The following SLC4A4 variants were observed in gnomAD, a reference collection of about 807,000 sequenced individuals.
The protein encoded by SLC4A4 is solute carrier family 4 member 4.
SLC4A4 carries 27 observed loss-of-function variants against 111.5 expected under a neutral mutation model. The ratio of observed to expected loss-of-function variants is 0.24; its 90% CI spans 0.18 to 0.33. The LOEUF (loss-of-function observed/expected upper bound fraction) is 0.33. Among genes scored for constraint, SLC4A4 ranks in the 10% least tolerant of loss-of-function variants. The pLI, the probability that SLC4A4 is intolerant of heterozygous loss-of-function variation, is 1.00. For synonymous variants in SLC4A4, 443 were observed against 463.4 expected (o/e 0.96, Z 0.57); for missense variants, 909 against 1,315.5 (o/e 0.69, Z 4.78).
At chr4:71,286,379 C>T (rs938435238) in intron 3 of SLC4A4, among the ~76,000 whole-genome samples, 3 of 152,174 alleles carry the variant, frequency 2.0e-5, no homozygotes, top group African/African-American at 7.2e-5. Context: ...CTTAAAAGCA[C>T]TGGATGTAAA....
intron 2 of SLC4A4, among the ~76,000 whole-genome samples, chr4:71,101,660 C>A (rs1362715844): frequency 6.6e-6 from 1 of 152,166 alleles, no homozygotes; most frequent in Non-Finnish European, 1.5e-5. Flanking sequence ...AGCAGGGGCA[C>A]ACTGACATCT....
At chr4:71,431,809 G>T (rs1723667260) in intron 7 of SLC4A4, among the ~76,000 whole-genome samples, 1 of 152,078 alleles carries the variant, frequency 6.6e-6, no homozygotes, top group African/African-American at 2.4e-5. Flanking sequence ...TAATCTGCAT[G>T]TGTTGTGAAT....
chr4:71,293,542 G>T (rs1020743706), intron 3 of SLC4A4, among the ~76,000 whole-genome samples: 16 of 147,638 alleles, frequency 1.1e-4, no homozygotes, highest in African/African-American at 3.8e-4. Context: ...CAGCCTGGGC[G>T]ACTCCGTCTA....
chr4:71,181,331 A>G (rs1267656731), intron 2 of SLC4A4, among the ~76,000 whole-genome samples: 1 of 152,124 alleles, frequency 6.6e-6, no homozygotes, highest in Non-Finnish European at 1.5e-5. Context: ...TAACCTGCAC[A>G]TTGTGCACAT....
Position 71,397,671 on chromosome 4 carries a change from G to T in SLC4A4, c.807+18G>T. On this transcript the variant is annotated intron_variant, in intron 7 of 25. Transcript: ENST00000264485. ...AGGACCAGGTAAGCAAAAAATTCTT[G>T]CTTCTTTGAAATGTAAGAGAACGTA... 6.2e-7 allele frequency: 1 copy of T among 1,605,270 alleles called. No individual in the cohort carries two copies.
At chr4:71,273,538 A>G (rs1015214776) in intron 3 of SLC4A4, among the ~76,000 whole-genome samples, 1 of 152,180 alleles carries the variant, frequency 6.6e-6, no homozygotes, top group African/African-American at 2.4e-5. Flanking sequence ...AAAGTTTGGA[A>G]AAGGTCAGTC....
At chr4:71,459,452 G>T (rs1390229684) in intron 12 of SLC4A4, among the ~76,000 whole-genome samples, 1 of 151,982 alleles carries the variant, frequency 6.6e-6, no homozygotes. Context: ...TATACAGATA[G>T]ATTGACATAA....
intron 3 of SLC4A4, among the ~76,000 whole-genome samples, chr4:71,326,149 C>CATTA (rs1030027238): frequency 5.3e-5 from 8 of 151,858 alleles, no homozygotes; most frequent in African/African-American, 1.5e-4. Flanking sequence ...TCCCAATAAA[C>CATTA]ATTAGCACAT....
intron 1 of SLC4A4, among the ~76,000 whole-genome samples, chr4:71,066,907 G>A (rs941800833): frequency 3.3e-5 from 5 of 152,092 alleles, no homozygotes; most frequent in Admixed American, 3.3e-4. Context: ...GAGCTTAGTG[G>A]GTTTGCCCTA....
At chr4:71,188,416 G>A (rs1745588971) in intron 1 of SLC4A4, among the ~76,000 whole-genome samples, 1 of 152,064 alleles carries the variant, frequency 6.6e-6, no homozygotes, top group Admixed American at 6.6e-5. Flanking sequence ...GACCCCTTTG[G>A]CTTACCCTCC....
At chr4:71,230,095 A>G (rs947679166) in intron 1 of SLC4A4, among the ~76,000 whole-genome samples, 1 of 152,196 alleles carries the variant, frequency 6.6e-6, no homozygotes, top group Admixed American at 6.5e-5. Flanking sequence ...TCACGTTTGC[A>G]AATGGTTTAT....
chr4:71,485,754 T>TCCC (rs2149129810), intron 14 of SLC4A4, among the ~76,000 whole-genome samples: 1 of 149,300 alleles, frequency 6.7e-6, no homozygotes, highest in South Asian at 2.1e-4. Flanking sequence ...TTGTTTTTTT[T>TCCC]CTTCCCCAAT....
chr4:71,440,645 A>G lies in SLC4A4; in HGVS notation c.837A>G (p.Pro279=). Residue 279 remains proline, a synonymous_variant, in exon 8 of 26, where the codon CCA becomes CCG. Transcript: ENST00000264485. ...QLKNKFMKKL[P]RDAEASNVLV... ...AGAATAAGTTCATGAAAAAATTGCC[A>G]CGTGATGCAGAAGCTTCCAACGTGC... 5 of 1,614,096 alleles carry G rather than the reference A, an allele frequency of 3.1e-6. No individual in the cohort carries two copies. Among genetic ancestry groups the G allele is most frequent in the Non-Finnish European group, 3.4e-6 (4 of 1,179,978 alleles).
chr4:71,462,140 C>G (rs1238021717), intron 12 of SLC4A4, among the ~76,000 whole-genome samples: 5 of 152,140 alleles, frequency 3.3e-5, no homozygotes, highest in African/African-American at 1.2e-4. Flanking sequence ...TGGTGAAAAG[C>G]AGCCAAGGAA....
rs1328003023 is a variant in SLC4A4, at chr4:71,360,427, T to A, written c.730+3240T>A. On this transcript the variant is annotated intron_variant, in intron 6 of 25. Transcript: ENST00000264485. ...GTAGATTACATTTAAAAGTGTAAAG[T>A]GTCTATAACTGTTAAAATGAATAGC... 2.0e-5 allele frequency among the ~76,000 whole-genome samples: 3 copies of A among 152,238 alleles called. No individual in the cohort carries two copies. In the East Asian group the frequency reaches 5.8e-4, roughly 29 times the overall value.
intron 16 of SLC4A4, among the ~76,000 whole-genome samples, chr4:71,514,170 T>C (rs1732176848): frequency 6.6e-6 from 1 of 152,100 alleles, no homozygotes; most frequent in Non-Finnish European, 1.5e-5. Context: ...GATGATATGG[T>C]TTGGATTTAT....
intron 3 of SLC4A4, among the ~76,000 whole-genome samples, chr4:71,285,263 C>T (rs1386871254): frequency 6.6e-6 from 1 of 152,146 alleles, no homozygotes; most frequent in Non-Finnish European, 1.5e-5. Context: ...GGAAATAAGG[C>T]TTTCTTGGCA....
intron 6 of SLC4A4, among the ~76,000 whole-genome samples, chr4:71,379,330 C>A (rs936059009): frequency 1.3e-5 from 2 of 152,162 alleles, no homozygotes; most frequent in African/African-American, 4.8e-5. Context: ...CATTCCCACT[C>A]TTGTACTACA....
At chr4:71,495,804 G>C (rs561975239) in intron 15 of SLC4A4, among the ~76,000 whole-genome samples, 3 of 152,012 alleles carry the variant, frequency 2.0e-5, no homozygotes, top group Non-Finnish European at 4.4e-5. Context: ...TCTTCTGATA[G>C]CATATGACAT....
Sources: allele counts gnomAD v4.1 joint callset (sites outside exome capture counted in the v4.1 genomes callset), GRCh38; gene constraint gnomAD v4.1.1; transcripts MANE v1.5; gene names NCBI Gene and HGNC (gene_info 2026-07-23, HGNC 2026-07-21).